Variants in NCAM2 observed in about 807,000 individuals in gnomAD.
NCAM2 encodes the protein neural cell adhesion molecule 2, also known as N-CAM-2.
A neutral mutation model predicts 98.1 loss-of-function variants in NCAM2; 30 were observed. The ratio of observed to expected loss-of-function variants is 0.31; its 90% CI spans 0.23 to 0.41. The LOEUF is 0.41. NCAM2 is among the 10% of genes least tolerant of loss of function. The pLI is 1.00. For synonymous variants in NCAM2, 368 were observed against 342.4 expected, an observed-to-expected ratio of 1.07 and a Z score of -0.83; for missense variants, 867 against 1,005.8, an observed-to-expected ratio of 0.86 and a Z score of 1.87.
At chr21:21,180,875 G>C (rs2068446872) in intron 1 of NCAM2, among the ~76,000 whole-genome samples, 1 of 152,062 alleles carries the variant, frequency 6.6e-6, no homozygotes, top group Admixed American at 6.6e-5. Context: ...AGAAATTCAG[G>C]AACAAAAAGT....
intron 15 of NCAM2, among the ~76,000 whole-genome samples, chr21:21,505,133 T>C (rs1987900867): frequency 6.6e-6 from 1 of 152,028 alleles, no homozygotes; most frequent in African/African-American, 2.4e-5. Flanking sequence ...TTGTAATAAG[T>C]TTATAAAGTT....
At chr21:21,370,500 A>C (rs899102413) in intron 8 of NCAM2, among the ~76,000 whole-genome samples, 1 of 151,924 alleles carries the variant, frequency 6.6e-6, no homozygotes, top group African/African-American at 2.4e-5. Context: ...TAGAAAAATC[A>C]CTAATGAAAT....
At chr21:21,209,626 T>C (rs1273043253) in intron 1 of NCAM2, among the ~76,000 whole-genome samples, 1 of 152,128 alleles carries the variant, frequency 6.6e-6, no homozygotes, top group African/African-American at 2.4e-5. Context: ...AACAAAGGTA[T>C]AGGTTATTGC....
At chr21:21,291,421 C>T (rs1347977726) in intron 4 of NCAM2, among the ~76,000 whole-genome samples, 2 of 151,692 alleles carry the variant, frequency 1.3e-5, no homozygotes, top group Non-Finnish European at 1.5e-5. Context: ...TAGCAGATTA[C>T]TTTACACAAT....
intron 1 of NCAM2, among the ~76,000 whole-genome samples, chr21:21,128,896 T>C (rs1368619696): frequency 1.3e-5 from 2 of 152,102 alleles, no homozygotes; most frequent in Admixed American, 6.6e-5. Flanking sequence ...AAAATAATCT[T>C]AGAGGGATTA....
chr21:21,404,048 T>C (rs1056993365), intron 9 of NCAM2, among the ~76,000 whole-genome samples: 11 of 152,106 alleles, frequency 7.2e-5, no homozygotes, highest in African/African-American at 2.7e-4. Flanking sequence ...ATAATTGATG[T>C]TGTTTTATGC....
At chr21:21,327,516 T>C (rs1226642566) in intron 6 of NCAM2, among the ~76,000 whole-genome samples, 1 of 152,094 alleles carries the variant, frequency 6.6e-6, no homozygotes, top group African/African-American at 2.4e-5. Flanking sequence ...GCAGGTTTGT[T>C]ACATGAGTAT....
Position 21,463,352 on chromosome 21 carries a change from A to T in NCAM2, c.1655-3254A>T, listed in dbSNP as rs60231750. ...CACACAATAATCTTCATGTTCACGC[A>T]GTGTTAATAAGCCTCATAATAAGAG... On this transcript the variant is annotated intron_variant, in intron 12 of 17. Transcript: ENST00000400546. 3.1e-3 allele frequency among the ~76,000 whole-genome samples: 479 copies of T among 152,236 alleles called. 4 individuals are homozygous for T. The highest frequency in any genetic ancestry group is 0.011 in the African/African-American group (463 of 41,570).
intron 1 of NCAM2, among the ~76,000 whole-genome samples, chr21:21,100,114 G>A (rs1230485074): frequency 6.6e-6 from 1 of 151,846 alleles, no homozygotes; most frequent in South Asian, 2.1e-4. Flanking sequence ...TAGTTTTCAA[G>A]TCTAAAATTG....
chr21:21,484,906 C>A (rs961165036), intron 15 of NCAM2, among the ~76,000 whole-genome samples: 10 of 152,130 alleles, frequency 6.6e-5, no homozygotes, highest in Non-Finnish European at 1.5e-4. Flanking sequence ...GCCTTTGCTA[C>A]ATCTAATCTT....
chr21:21,228,664 G>C (rs926442969), intron 1 of NCAM2, among the ~76,000 whole-genome samples: 1 of 151,360 alleles, frequency 6.6e-6, no homozygotes, highest in Non-Finnish European at 1.5e-5. Context: ...GATATGTTTT[G>C]TGTGTTTAGA....
chr21:21,535,602 G>A (rs887680744), intron 17 of NCAM2, among the ~76,000 whole-genome samples: 34 of 151,906 alleles, frequency 2.2e-4, no homozygotes, highest in African/African-American at 7.5e-4. Flanking sequence ...CTACTCTATA[G>A]AAAAAAATTT....
intron 1 of NCAM2, among the ~76,000 whole-genome samples, chr21:21,032,793 G>C (rs990520367): frequency 6.6e-6 from 1 of 152,062 alleles, no homozygotes; most frequent in African/African-American, 2.4e-5. Context: ...TTGGTACCTA[G>C]GAACAAGCTC....
At chr21:21,300,672 G>A (rs778672217) in intron 5 of NCAM2, among the ~76,000 whole-genome samples, 70 of 151,996 alleles carry the variant, frequency 4.6e-4, no homozygotes, top group Non-Finnish European at 9.0e-4. Context: ...GTAGAGATTT[G>A]CATACAGGAG....
intron 12 of NCAM2, among the ~76,000 whole-genome samples, chr21:21,443,012 G>A (rs936487134): frequency 6.6e-6 from 1 of 152,110 alleles, no homozygotes; most frequent in Non-Finnish European, 1.5e-5. Flanking sequence ...TGGGCATTTA[G>A]TGCTATAAAT....
intron 9 of NCAM2, among the ~76,000 whole-genome samples, chr21:21,394,469 CTTTTTTTTTTTTTTT>C (rs532068473): frequency 4.5e-4 from 26 of 57,630 alleles, no homozygotes; most frequent in Admixed American, 2.1e-3. Context: ...AAGGGGCCAG[CTTTTTTTTTTTTTTT>C]TTTTTTTTTT....
chr21:21,250,480 T>A (rs893001962), intron 1 of NCAM2, among the ~76,000 whole-genome samples: 1 of 152,192 alleles, frequency 6.6e-6, no homozygotes, highest in South Asian at 2.1e-4. Context: ...CTATTTTTTC[T>A]AACAATAAGC....
At chr21:21,372,889 A>C (rs1432249175) in intron 8 of NCAM2, among the ~76,000 whole-genome samples, 1 of 151,908 alleles carries the variant, frequency 6.6e-6, no homozygotes, top group Non-Finnish European at 1.5e-5. Flanking sequence ...AGGTAATTAC[A>C]AGAGAACATG....
At chr21:21,266,956 T>A (rs2072306997) in intron 1 of NCAM2, among the ~76,000 whole-genome samples, 1 of 152,050 alleles carries the variant, frequency 6.6e-6, no homozygotes, top group African/African-American at 2.4e-5. Context: ...TAAACTTGTG[T>A]CATAGGAGTT....
Sources: gnomAD v4.1 joint callset for allele counts (sites outside exome capture counted in the v4.1 genomes callset) on GRCh38, gnomAD v4.1.1 for gene constraint, MANE v1.5 for transcripts, NCBI Gene and HGNC (gene_info 2026-07-23, HGNC 2026-07-21) for gene names.